The following SBF2 variants were observed in gnomAD, a reference collection of about 807,000 sequenced individuals.
The protein encoded by SBF2 is myotubularin-related protein 13.
Under a neutral mutation model 225.2 loss-of-function variants are expected in SBF2, and 112 were observed. The observed-to-expected ratio is 0.50, with a 90% CI of 0.43 to 0.58. SBF2 has a LOEUF of 0.58. Ranked by LOEUF, SBF2 falls within the 20% of genes least tolerant of loss-of-function variation. SBF2 has a pLI of 0.00. For synonymous variants in SBF2, 763 were observed against 773.3 expected (o/e 0.99, Z 0.22); for missense variants, 1,996 against 2,206.2 (o/e 0.90, Z 1.91).
At chr11:10,204,121 A>C (rs191694592) in intron 1 of SBF2, among the ~76,000 whole-genome samples, 123 of 152,142 alleles carry the variant, frequency 8.1e-4, no homozygotes, top group African/African-American at 2.6e-3. Flanking sequence ...ATATCTAAAA[A>C]CAGCTGGAGA....
At chr11:10,068,188 A>C (rs1199966696) in intron 2 of SBF2, among the ~76,000 whole-genome samples, 1 of 152,174 alleles carries the variant, frequency 6.6e-6, no homozygotes, top group African/African-American at 2.4e-5. Flanking sequence ...CACATGGTTA[A>C]ATTTTACTTT....
chr11:10,199,813 A>G (rs544107472), intron 1 of SBF2, among the ~76,000 whole-genome samples: 3 of 148,894 alleles, frequency 2.0e-5, no homozygotes, highest in African/African-American at 4.9e-5. Context: ...TCAAGACTCA[A>G]CTGGAACCCT....
chr11:10,010,058 G>A (rs1168049589), intron 6 of SBF2, among the ~76,000 whole-genome samples: 3 of 152,136 alleles, frequency 2.0e-5, no homozygotes, highest in Non-Finnish European at 4.4e-5. Flanking sequence ...CCTTTGAGAA[G>A]TGTCTGTTCA....
chr11:10,100,711 G>C (rs1429972874), intron 2 of SBF2, among the ~76,000 whole-genome samples: 1 of 152,104 alleles, frequency 6.6e-6, no homozygotes, highest in Non-Finnish European at 1.5e-5. Flanking sequence ...TCCTTCAGGG[G>C]TGTTGGTTTT....
chr11:10,272,318 A>G, intron 1 of SBF2: 1 of 820,960 alleles, frequency 1.2e-6, no homozygotes, highest in Non-Finnish European at 1.8e-6. Context: ...GAGAATGACA[A>G]GTCGTTCACT....
At chr11:9,807,442 CTATATCCATGTCATTGCA>C (rs1305705324) in intron 32 of SBF2, among the ~76,000 whole-genome samples, 1 of 152,202 alleles carries the variant, frequency 6.6e-6, no homozygotes, top group Non-Finnish European at 1.5e-5. Context: ...TGGCCTCCAG[CTATATCCATGTCATTGCA>C]AAAGACATGA....
At chr11:9,850,287 G>A in intron 21 of SBF2, 69 bp from the exon 22 acceptor site, 1 of 1,441,946 alleles carries the variant, frequency 6.9e-7, no homozygotes, top group South Asian at 1.2e-5. Flanking sequence ...ACAGGGTCTT[G>A]CTCTGTTGCC....
intron 13 of SBF2, among the ~76,000 whole-genome samples, chr11:9,986,099 G>A (rs1385820406): frequency 6.6e-6 from 1 of 151,998 alleles, no homozygotes; most frequent in East Asian, 1.9e-4. Context: ...AAACCACAGT[G>A]GAATAAAACA....
chr11:10,232,694 G>A (rs1003106778), intron 1 of SBF2, among the ~76,000 whole-genome samples: 4 of 151,786 alleles, frequency 2.6e-5, no homozygotes, highest in African/African-American at 4.8e-5. Flanking sequence ...CTCCTGAGCA[G>A]CTGGGACTAC....
At position 9,852,704 on chromosome 11, in the gene SBF2, T is replaced by C; in HGVS notation, c.2582A>G (p.Glu861Gly). The change falls in exon 21 of 40, where the codon GAA (glutamate) becomes GGA (glycine). Residue 861 changes from glutamate to glycine, a missense_variant. Coordinates refer to ENST00000256190, the MANE Select transcript of SBF2 (RefSeq NM_030962.4). ...HIETLEAVHR[E>G]SRRLPPIQKP... The stretch of plus-strand genomic sequence containing the variant: ...CTGAATAGGCGGAAGTCTTCTGCTT[T>C]CTCGATGTACTGCTTCTAGGGTCTC... 6.2e-7 allele frequency: 1 copy of C among 1,613,522 alleles called. No individual in the cohort carries two copies. The highest frequency in any genetic ancestry group is 2.2e-5 in the East Asian group (1 of 44,860).
At chr11:10,286,901 T>C (rs1034997553) in intron 1 of SBF2, among the ~76,000 whole-genome samples, 1 of 152,244 alleles carries the variant, frequency 6.6e-6, no homozygotes, top group African/African-American at 2.4e-5. Context: ...TTCTCCTACG[T>C]ATTTACCCAA....
chr11:9,803,240 CTT>C (rs1201965753), intron 32 of SBF2, among the ~76,000 whole-genome samples: 3 of 151,476 alleles, frequency 2.0e-5, no homozygotes, highest in African/African-American at 7.3e-5. Context: ...ACAGATGAAT[CTT>C]AAATTCAGCT....
intron 1 of SBF2, among the ~76,000 whole-genome samples, chr11:10,291,202 G>C (rs1226430364): frequency 6.6e-6 from 1 of 152,148 alleles, no homozygotes; most frequent in Admixed American, 6.5e-5. Flanking sequence ...CCAAAGTGAT[G>C]GTATTATGAG....
At chr11:10,216,520 C>A (rs779724550) in intron 1 of SBF2, among the ~76,000 whole-genome samples, 3 of 152,204 alleles carry the variant, frequency 2.0e-5, no homozygotes, top group Non-Finnish European at 4.4e-5. Flanking sequence ...TAAAGTGAAA[C>A]ACTTTAAGGA....
Position 10,040,705 on chromosome 11 carries a change from G to A in SBF2, c.279+2139C>T, listed in dbSNP as rs565798465. Among the ~76,000 whole-genome samples, 568 of 151,750 alleles carry A rather than the reference G, an allele frequency of 3.7e-3. 4 individuals carry two copies. Among genetic ancestry groups the A allele is most frequent in the South Asian group, 5.0e-3 (24 of 4,780 alleles). On this transcript the variant is annotated intron_variant, in intron 3 of 39. Coordinates refer to ENST00000256190, the MANE Select transcript of SBF2 (RefSeq NM_030962.4). ...GTTTACGTACTGTTCATGTACCTCT[G>A]AAGCATATACTAAAGAATTTAGGTG...
In SBF2 at chr11:10,179,098, A is replaced by G. The variant is rs372281258; in HGVS notation, c.141+14804T>C. 6.0e-5 allele frequency among the ~76,000 whole-genome samples: 9 copies of G among 150,410 alleles called. No individual in the cohort carries two copies. In the East Asian group the frequency reaches 1.4e-3, roughly 23 times the overall value. ...TCTCAGTAAACTATCGCAAGAACAA[A>G]AAACGAAACACCACATATTCTCACT... On this transcript the variant is annotated intron_variant, in intron 2 of 39. Coordinates refer to ENST00000256190, the MANE Select transcript of SBF2 (RefSeq NM_030962.4).
chr11:10,070,446 T>G (rs933470144), intron 2 of SBF2, among the ~76,000 whole-genome samples: 1 of 152,342 alleles, frequency 6.6e-6, no homozygotes, highest in African/African-American at 2.4e-5. Flanking sequence ...TTTTGCCAGG[T>G]TTGTCACAGA....
chr11:10,214,669 C>T (rs1445177296), intron 1 of SBF2, among the ~76,000 whole-genome samples: 1 of 152,082 alleles, frequency 6.6e-6, no homozygotes, highest in Non-Finnish European at 1.5e-5. Context: ...CCTCTCATAT[C>T]TTTACTTTCC....
At chr11:10,249,340 G>C (rs1471165017) in intron 1 of SBF2, among the ~76,000 whole-genome samples, 4 of 151,980 alleles carry the variant, frequency 2.6e-5, no homozygotes, top group Non-Finnish European at 4.4e-5. Flanking sequence ...TTAAAAATTG[G>C]GGTTGACATT....
Sources: gnomAD v4.1 joint callset for allele counts (sites outside exome capture counted in the v4.1 genomes callset) on GRCh38, gnomAD v4.1.1 for gene constraint, MANE v1.5 for transcripts, NCBI Gene and HGNC (gene_info 2026-07-23, HGNC 2026-07-21) for gene names.